The following MROH9 variants were observed in gnomAD, a reference collection of about 807,000 sequenced individuals.
MROH9 encodes the protein maestro heat like repeat family member 9, also known as maestro heat-like repeat-containing protein family member 9.
In MROH9, 92 loss-of-function variants were observed where a neutral mutation model predicts 98.2. The ratio of observed to expected loss-of-function variants is 0.94; its 90% confidence interval spans 0.79 to 1.11. The LOEUF (loss-of-function observed/expected upper bound fraction) is 1.11. Ranked by LOEUF, MROH9 falls within the 50% of genes most tolerant of loss-of-function variation. The pLI, the probability that MROH9 is intolerant of heterozygous loss-of-function variation, is 0.00. For synonymous variants in MROH9, 397 were observed against 368.9 expected, an observed-to-expected ratio of 1.08 and a Z score of -0.87; for missense variants, 1,057 against 1,014.8, an observed-to-expected ratio of 1.04 and a Z score of -0.57.
intron 8 of MROH9, among the ~76,000 whole-genome samples, chr1:170,982,588 C>A (rs983766822): frequency 1.8e-4 from 27 of 152,206 alleles, no homozygotes; most frequent in Middle Eastern, 3.4e-3. Context: ...CCAAGTTGTT[C>A]ACCTTAGATA....
intron 15 of MROH9, among the ~76,000 whole-genome samples, chr1:171,006,128 C>T (rs1160825522): frequency 2.0e-5 from 3 of 152,148 alleles, no homozygotes; most frequent in African/African-American, 7.2e-5. Context: ...GTTGTAAACT[C>T]CCTCAGCTTT....
intron 1 of MROH9, among the ~76,000 whole-genome samples, chr1:170,936,350 G>A (rs901772041): frequency 2.6e-5 from 4 of 152,120 alleles, no homozygotes; most frequent in Admixed American, 1.3e-4. Context: ...CCAGAGCACC[G>A]AGGGCAGCAG....
At chr1:170,998,444 G>T (rs73038212) in intron 15 of MROH9, 170 bp downstream of exon 15, 2 of 1,566,988 alleles carry the variant, frequency 1.3e-6, no homozygotes, top group East Asian at 2.3e-5. Flanking sequence ...AGTTAGATCT[G>T]GGTTATGGAA....
At chr1:171,058,346 C>CAAAAAAAAAAAAAAAA (rs34725160) in intron 20 of MROH9, among the ~76,000 whole-genome samples, 1 of 67,148 alleles carries the variant, frequency 1.5e-5, no homozygotes. Flanking sequence ...AGAGAGGATG[C>CAAAAAAAAAAAAAAAA]AAAAAAAAAA....
intron 1 of MROH9, among the ~76,000 whole-genome samples, chr1:170,945,196 A>T (rs1167285478): frequency 6.6e-6 from 1 of 151,940 alleles, no homozygotes; most frequent in Non-Finnish European, 1.5e-5. Context: ...AGCCTCAAAC[A>T]ATTGAATTTT....
In MROH9 at chr1:170,996,698, A is replaced by G. The variant is rs761263116; in HGVS notation, c.1475+54A>G. 4.5e-6 allele frequency: 7 copies of G among 1,563,192 alleles called. No homozygotes were observed. The East Asian group carries it at 6.9e-5, about 15-fold the overall frequency. On this transcript the variant is annotated intron_variant, in intron 14 of 21. Transcript: ENST00000367759. ...CTTGGTCTCTATCCTACCTTCTCCA[A>G]CTTCCTTCAATAAGCCATGCGGGAA...
intron 1 of MROH9, among the ~76,000 whole-genome samples, chr1:170,945,299 T>C (rs572034742): frequency 6.6e-6 from 1 of 152,200 alleles, no homozygotes; most frequent in African/African-American, 2.4e-5. Context: ...TGTGAGACCC[T>C]GAGCAGACTA....
intron 16 of MROH9, 99 bp from the exon 17 acceptor site, chr1:171,016,064 C>A: frequency 2.6e-6 from 2 of 775,602 alleles, no homozygotes; most frequent in Non-Finnish European, 3.6e-6. Context: ...GGCTTCCGCA[C>A]ACCATGATGT....
chr1:171,040,163 T>G (rs1398316444), intron 20 of MROH9, among the ~76,000 whole-genome samples: 1 of 151,900 alleles, frequency 6.6e-6, no homozygotes, highest in African/African-American at 2.4e-5. Context: ...AAAAGTCAAA[T>G]AGATAGAAAT....
At position 170,958,455 on chromosome 1, in the gene MROH9, A is replaced by G; in HGVS notation, c.73-6A>G. The G allele has an allele frequency of 6.6e-7, 1 of 1,504,616 alleles. No individual in the cohort carries two copies. The highest frequency in any genetic ancestry group is 9.1e-7 in the Non-Finnish European group (1 of 1,102,794). The allele number at this position is 1,504,616 out of a possible 1,614,324, so 93.2% of individuals were successfully genotyped here. On this transcript the variant is annotated splice_region_variant and splice_polypyrimidine_tract_variant and intron_variant, in intron 3 of 21. Coordinates refer to ENST00000367759, the MANE Select transcript of MROH9 (RefSeq NM_001163629.2). ...TTTTTTTTTTTTTTTTTAACATGGT[A>G]CTTAGGCACATAAAGTTAACAGCCT... is the stretch of plus-strand genomic sequence containing the variant.
chr1:171,049,861 T>A (rs6608464), intron 20 of MROH9, among the ~76,000 whole-genome samples: 3,256 of 152,102 alleles, frequency 0.021, 83 homozygotes, highest in African/African-American at 0.064. Flanking sequence ...TTGTATTGTT[T>A]TGTAAAAATG....
chr1:170,990,985 A>G (rs115848099), intron 11 of MROH9, among the ~76,000 whole-genome samples: 4 of 152,286 alleles, frequency 2.6e-5, no homozygotes, highest in Non-Finnish European at 5.9e-5. Context: ...AAATTCCTAG[A>G]AAGATCTTTG....
At chr1:171,062,061 G>A (rs1571178486) in intron 20 of MROH9, 71 bp from the exon 21 acceptor site, 2 of 968,534 alleles carry the variant, frequency 2.1e-6, no homozygotes, top group South Asian at 1.5e-5. Flanking sequence ...AAAGAAGGTA[G>A]CCAGATAACA....
At chr1:170,944,088 T>C (rs1246091261) in intron 1 of MROH9, among the ~76,000 whole-genome samples, 1 of 152,004 alleles carries the variant, frequency 6.6e-6, no homozygotes, top group East Asian at 1.9e-4. Context: ...CTAGGGGTTA[T>C]TAAACAAGCA....
chr1:171,036,847 A>G (rs997642294), intron 20 of MROH9, among the ~76,000 whole-genome samples: 19 of 151,760 alleles, frequency 1.3e-4, no homozygotes, highest in Admixed American at 3.9e-4. Flanking sequence ...CAAAGAATAC[A>G]TACTATTTAT....
chr1:171,041,616 T>C (rs1468939073), intron 20 of MROH9, among the ~76,000 whole-genome samples: 3 of 151,726 alleles, frequency 2.0e-5, no homozygotes, highest in Non-Finnish European at 2.9e-5. Context: ...TGAATGGTAG[T>C]TCTATTTTTA....
At chr1:170,960,310 G>C (rs948629169) in intron 5 of MROH9, among the ~76,000 whole-genome samples, 1 of 152,114 alleles carries the variant, frequency 6.6e-6, no homozygotes, top group African/African-American at 2.4e-5. Context: ...GCTACCTGAG[G>C]ATACCCAGAG....
chr1:170,948,366 A>G (rs1226451282), intron 3 of MROH9, among the ~76,000 whole-genome samples: 1 of 152,022 alleles, frequency 6.6e-6, no homozygotes, highest in Non-Finnish European at 1.5e-5. Context: ...AAAGCAAAAC[A>G]TTGATATCAT....
At chr1:170,972,437 C>T (rs565580567) in intron 8 of MROH9, among the ~76,000 whole-genome samples, 46 of 152,268 alleles carry the variant, frequency 3.0e-4, no homozygotes, top group African/African-American at 1.1e-3. Flanking sequence ...GGAGGCTATG[C>T]CTCTGTTTCT....
Sources: gnomAD v4.1 joint callset for allele counts (sites outside exome capture counted in the v4.1 genomes callset) on GRCh38, gnomAD v4.1.1 for gene constraint, MANE v1.5 for transcripts, NCBI Gene and HGNC (gene_info 2026-07-23, HGNC 2026-07-21) for gene names.